Variants in KCNU1 observed in about 807,000 individuals in gnomAD.
KCNU1 encodes the protein potassium calcium-activated channel subfamily U member 1.
KCNU1 carries 93 observed loss-of-function variants against 126.8 expected under a neutral mutation model. The ratio of observed to expected loss-of-function variants is 0.73; its 90% CI spans 0.62 to 0.87. The LOEUF is 0.87. Ranked by LOEUF, KCNU1 falls within the 40% of genes least tolerant of loss-of-function variation. The pLI, the probability that KCNU1 is intolerant of heterozygous loss-of-function variation, is 0.00. For missense variants in KCNU1, 1,330 were observed against 1,367.1 expected (o/e 0.97, Z 0.43); for synonymous variants, 523 against 494.2 (o/e 1.06, Z -0.77).
chr8:36,929,908 G>A (rs1224678496), intron 24 of KCNU1, among the ~76,000 whole-genome samples: 1 of 152,108 alleles, frequency 6.6e-6, no homozygotes, highest in Non-Finnish European at 1.5e-5. Context: ...GGTTGCAGAT[G>A]AGAAGAAAAT....
Position 36,903,352 on chromosome 8 carries a change from C to A in KCNU1, c.2010-2356C>A, listed in dbSNP as rs181488790. 4.0e-3 allele frequency among the ~76,000 whole-genome samples: 604 copies of A among 152,128 alleles called. 2 individuals carry two copies. Among genetic ancestry groups the A allele is most frequent in the African/African-American group, 0.014 (581 of 41,518 alleles). ...TAATTCACAAGGAAACCCCCTAACC[C>A]TGCAGCATGAAGGGGAATAGATTGT... On this transcript the variant is annotated intron_variant, in intron 19 of 26. Transcript: ENST00000399881.
intron 18 of KCNU1, 135 bp from the exon 19 acceptor site, chr8:36,864,269 T>G (rs903731948): frequency 1.1e-5 from 7 of 643,190 alleles, no homozygotes; most frequent in Non-Finnish European, 2.0e-5. Context: ...TTCATCCTCT[T>G]AGAACTAGGC....
At chr8:36,788,627 T>A (rs185981003) in intron 2 of KCNU1, among the ~76,000 whole-genome samples, 1 of 152,226 alleles carries the variant, frequency 6.6e-6, no homozygotes, top group Admixed American at 6.5e-5. Flanking sequence ...AAGTATTAAG[T>A]AAAACTGCTT....
At chr8:36,903,179 A>G (rs190610168) in intron 19 of KCNU1, among the ~76,000 whole-genome samples, 164 of 152,162 alleles carry the variant, frequency 1.1e-3, no homozygotes, top group African/African-American at 3.7e-3. Context: ...TGACACTTCA[A>G]TCTAAGTTGG....
intron 19 of KCNU1, among the ~76,000 whole-genome samples, chr8:36,873,394 T>C (rs1317399797): frequency 6.6e-6 from 1 of 152,102 alleles, no homozygotes; most frequent in Non-Finnish European, 1.5e-5. Context: ...ATAATTGTCC[T>C]CCTCAACTTA....
At position 36,787,355 on chromosome 8, in the gene KCNU1, A is replaced by G. The variant is rs367692539; in HGVS notation, c.245A>G (p.His82Arg). 20 of 1,612,626 alleles carry G rather than the reference A, an allele frequency of 1.2e-5. No homozygotes were observed. The highest frequency in any genetic ancestry group is 1.7e-5 in the Admixed American group (1 of 59,890). The change falls in exon 2 of 27, where the codon CAC becomes CGC. Residue 82 changes from histidine (H) to arginine (R), a missense_variant. Transcript: ENST00000399881. ...GCTAGGAGCCATGTAAGAAGCCTCCACTTCCAGGGACAATTTCGTGATCAT... is the reference window on the plus strand; with the variant it reads ...GCTAGGAGCCATGTAAGAAGCCTCCGCTTCCAGGGACAATTTCGTGATCAT... ...TIARSHVRSLHFQGQFRDHIE... is the reference protein window; with the variant it reads ...TIARSHVRSLRFQGQFRDHIE...
In KCNU1 at chr8:36,784,558, A is replaced by G; in HGVS notation, c.148A>G (p.Arg50Gly). ...CCTGTTGATCTTCAGGCTGATCTGG[A>G]GATCTGTTAAAAAATGGCAAATCAT... ...IILLIFRLIW[R>G]SVKKWQIIKG... is the part of the protein sequence containing the mutation. The change falls in exon 1 of 27, where the codon AGA (arginine) becomes GGA (glycine). Residue 50 changes from arginine to glycine, a missense_variant. This residue lies in a region of KCNU1 where 247 missense variants were observed against 255.4 expected (regional missense o/e 0.97). Transcript: ENST00000399881. 6.2e-7 allele frequency: 1 copy of G among 1,613,704 alleles called. No homozygotes were observed. Among genetic ancestry groups the G allele is most frequent in the Non-Finnish European group, 8.5e-7 (1 of 1,179,756 alleles).
chr8:36,791,159 ACT>A (rs1425039453), intron 2 of KCNU1, among the ~76,000 whole-genome samples: 1 of 151,982 alleles, frequency 6.6e-6, no homozygotes, highest in Non-Finnish European at 1.5e-5. Flanking sequence ...GTATTGATCA[ACT>A]CTGTAGCATC....
intron 19 of KCNU1, among the ~76,000 whole-genome samples, chr8:36,884,037 A>G (rs536479066): frequency 2.6e-5 from 4 of 152,304 alleles, no homozygotes; most frequent in African/African-American, 9.6e-5. Flanking sequence ...GTGACCTGAG[A>G]TAACGAAGTT....
intron 22 of KCNU1, among the ~76,000 whole-genome samples, chr8:36,916,311 T>C (rs1235596780): frequency 2.4e-5 from 2 of 82,646 alleles, no homozygotes; most frequent in African/African-American, 4.9e-5. Context: ...AGGAAAGGGG[T>C]GAGGGAAGGG....
chr8:36,798,433 T>C lies in KCNU1; in HGVS notation c.316-5594T>C, dbSNP rs567502197. On this transcript the variant is annotated intron_variant, in intron 2 of 26. Transcript: ENST00000399881. ...GAAATGGCCCTGCAAAGCTGTCCTT[T>C]GTGGGGGAATATTTGCATCTGTAAA... is the stretch of plus-strand genomic sequence containing the variant. 1.1e-4 allele frequency among the ~76,000 whole-genome samples: 17 copies of C among 152,362 alleles called. 3 individuals carry two copies. The highest frequency in any genetic ancestry group is 4.1e-4 in the African/African-American group (17 of 41,584).
chr8:36,857,118 A>C (rs1476235090), intron 18 of KCNU1, among the ~76,000 whole-genome samples: 1 of 152,188 alleles, frequency 6.6e-6, no homozygotes, highest in African/African-American at 2.4e-5. Context: ...TTGAAGTGAC[A>C]CACCTGTTTT....
At chr8:36,922,363 C>T in intron 23 of KCNU1, 127 bp from the exon 24 acceptor site, 1 of 972,244 alleles carries the variant, frequency 1.0e-6, no homozygotes, top group African/African-American at 1.7e-5. Flanking sequence ...GGGGTTGATC[C>T]CACAGAGACC....
chr8:36,873,926 GA>G lies in KCNU1; in HGVS notation c.2009+9413del, dbSNP rs1284598996. Among the ~76,000 whole-genome samples the G allele has an allele frequency of 4.0e-5, 6 of 151,898 alleles. No homozygotes were observed. In the East Asian group the frequency reaches 9.7e-4, roughly 24 times the overall value. On this transcript the variant is annotated intron_variant, in intron 19 of 26. Transcript: ENST00000399881. Reference sequence around the variant, plus strand: ...ATAATTTACAACAACAACAACAGGAGAAAAAAAATCTCTTGCAACCTGCTGA... The same window carrying G: ...ATAATTTACAACAACAACAACAGGAGAAAAAAATCTCTTGCAACCTGCTGA...
Position 36,931,088 on chromosome 8 carries a change from A to C in KCNU1, c.2874A>C (p.Arg958Ser). ...ADSCTSLLSG[R>S]NRCKLGLLSL... ...GCTGCACGTCGCTCTTGTCTGGAAG[A>C]AACCGGTGTAAGCTGGGGCTTCTGT... The change falls in exon 25 of 27, where the codon AGA (arginine) becomes AGC (serine). Residue 958 changes from arginine to serine, a missense_variant. By Grantham distance (110) the Arg-to-Ser change is moderately radical. Coordinates refer to ENST00000399881, the MANE Select transcript of KCNU1 (RefSeq NM_001031836.3). The C allele has an allele frequency of 6.2e-7, 1 of 1,611,858 alleles. No homozygotes were observed. The highest frequency in any genetic ancestry group is 8.5e-7 in the Non-Finnish European group (1 of 1,178,766).
chr8:36,845,449 G>A, intron 16 of KCNU1, 131 bp from the exon 17 acceptor site: 1 of 611,304 alleles, frequency 1.6e-6, no homozygotes, highest in Non-Finnish European at 2.9e-6. Flanking sequence ...ACTGTGTTTG[G>A]CAGTAAGAGG....
At chr8:36,855,145 T>C (rs1805486502) in intron 18 of KCNU1, among the ~76,000 whole-genome samples, 1 of 152,178 alleles carries the variant, frequency 6.6e-6, no homozygotes, top group African/African-American at 2.4e-5. Flanking sequence ...TTTCTGCTTA[T>C]GCATACAGCT....
At chr8:36,789,002 A>G (rs186152974) in intron 2 of KCNU1, among the ~76,000 whole-genome samples, 4 of 152,350 alleles carry the variant, frequency 2.6e-5, no homozygotes, top group Admixed American at 2.6e-4. Flanking sequence ...ATTTTAGCCT[A>G]TAACAGCTGG....
chr8:36,862,566 C>A (rs1232128539), intron 18 of KCNU1, among the ~76,000 whole-genome samples: 1 of 152,128 alleles, frequency 6.6e-6, no homozygotes, highest in Non-Finnish European at 1.5e-5. Context: ...GTCCACCCCA[C>A]ACACATGCAC....
Sources: allele counts gnomAD v4.1 joint callset (sites outside exome capture counted in the v4.1 genomes callset), GRCh38; gene constraint gnomAD v4.1.1; regional missense constraint gnomAD v4.1.1; transcripts MANE v1.5; gene names NCBI Gene and HGNC (gene_info 2026-07-23, HGNC 2026-07-21).